PDE4D: variants seen among roughly 807,000 people sequenced by gnomAD.
The protein encoded by PDE4D is phosphodiesterase 4D.
In PDE4D, 24 loss-of-function variants were observed where a neutral mutation model predicts 87.4. The ratio of observed to expected loss-of-function variants is 0.27; its 90% confidence interval spans 0.20 to 0.39. The LOEUF (loss-of-function observed/expected upper bound fraction) is 0.39, where lower values mean the gene tolerates loss of function less well. Among genes scored for constraint, PDE4D ranks in the 10% least tolerant of loss-of-function variants. The pLI is 1.00. For synonymous variants in PDE4D, 384 were observed against 383.2 expected (o/e 1.00, Z -0.02); for missense variants, 714 against 1,041.0 (o/e 0.69, Z 4.32).
chr5:59,346,150 A>T (rs1186475578), intron 1 of PDE4D, among the ~76,000 whole-genome samples: 1 of 152,232 alleles, frequency 6.6e-6, no homozygotes, highest in African/African-American at 2.4e-5. Flanking sequence ...AAAGTAGTCA[A>T]ATCTATGCTA....
Position 59,350,585 on chromosome 5 carries a change from C to A in PDE4D, c.456-134617G>T, listed in dbSNP as rs555469491. ...CTAATAGGTTCATTCATTCAATACA[C>A]AAACGCCAAGCACCTAATATGTACC... is the stretch of plus-strand genomic sequence containing the variant. On this transcript the variant is annotated intron_variant, in intron 1 of 14. Transcript: ENST00000340635. 2.6e-5 allele frequency among the ~76,000 whole-genome samples: 4 copies of A among 152,264 alleles called. No individual in the cohort carries two copies. The East Asian group carries it at 7.7e-4, about 29-fold the overall frequency.
chr5:59,605,622 C>A (rs295957), intron 1 of PDE4D, among the ~76,000 whole-genome samples: 1 of 151,980 alleles, frequency 6.6e-6, no homozygotes, highest in Non-Finnish European at 1.5e-5. Context: ...ACTCCTGTTA[C>A]TATAATTCTT....
At chr5:59,263,878 T>C (rs1762428779) in intron 1 of PDE4D, among the ~76,000 whole-genome samples, 1 of 151,990 alleles carries the variant, frequency 6.6e-6, no homozygotes, top group Non-Finnish European at 1.5e-5. Flanking sequence ...GCTGGTACTA[T>C]TTTTAATCTG....
chr5:59,792,401 G>A (rs1399956430), intron 1 of PDE4D, among the ~76,000 whole-genome samples: 1 of 74,190 alleles, frequency 1.3e-5, no homozygotes, highest in Non-Finnish European at 2.6e-5. Flanking sequence ...GCTCCAAGAA[G>A]CTGTGTGTGT....
intron 2 of PDE4D, among the ~76,000 whole-genome samples, chr5:60,122,734 A>C (rs1289697069): frequency 6.6e-6 from 1 of 152,248 alleles, no homozygotes; most frequent in African/African-American, 2.4e-5. Flanking sequence ...TGAAGGCTTA[A>C]CATTCGGCCT....
intron 5 of PDE4D, chr5:59,179,732 A>G (rs149008576): frequency 2.6e-6 from 1 of 391,168 alleles, no homozygotes. Context: ...CAAGGAAGAC[A>G]CTTGAATCCA....
intron 1 of PDE4D, among the ~76,000 whole-genome samples, chr5:60,422,595 A>G (rs975967280): frequency 6.6e-6 from 1 of 152,244 alleles, no homozygotes; most frequent in African/African-American, 2.4e-5. Context: ...AAAACATGCC[A>G]AATTGTAAAG....
At chr5:59,402,317 T>C (rs934484557) in intron 1 of PDE4D, among the ~76,000 whole-genome samples, 1 of 152,180 alleles carries the variant, frequency 6.6e-6, no homozygotes, top group African/African-American at 2.4e-5. Context: ...TTATAAATCA[T>C]CTTTAGAGTG....
intron 2 of PDE4D, among the ~76,000 whole-genome samples, chr5:59,995,075 C>T (rs1763394622): frequency 6.6e-6 from 1 of 152,044 alleles, no homozygotes; most frequent in Non-Finnish European, 1.5e-5. Context: ...AACACTTTTG[C>T]AAGTTGAAAG....
At chr5:60,300,615 T>C (rs1407122645) in intron 1 of PDE4D, among the ~76,000 whole-genome samples, 1 of 152,200 alleles carries the variant, frequency 6.6e-6, no homozygotes, top group African/African-American at 2.4e-5. Flanking sequence ...ATTTTCTGCA[T>C]ATGGCTAGCC....
chr5:59,308,121 A>G (rs1771786672), intron 1 of PDE4D, among the ~76,000 whole-genome samples: 1 of 151,580 alleles, frequency 6.6e-6, no homozygotes, highest in South Asian at 2.1e-4. Context: ...ACAAAAAACC[A>G]AACACCGCAT....
chr5:59,800,147 T>A (rs887230498), intron 1 of PDE4D, among the ~76,000 whole-genome samples: 3 of 152,164 alleles, frequency 2.0e-5, no homozygotes, highest in African/African-American at 7.2e-5. Flanking sequence ...ACAGAGTTTT[T>A]ATCGTGTGCC....
intron 1 of PDE4D, among the ~76,000 whole-genome samples, chr5:59,450,853 G>T (rs1042729166): frequency 6.6e-6 from 1 of 151,902 alleles, no homozygotes; most frequent in Non-Finnish European, 1.5e-5. Flanking sequence ...TCTCTGATAC[G>T]CAGCTTCATC....
chr5:60,004,702 CA>C (rs1764312294), intron 2 of PDE4D, among the ~76,000 whole-genome samples: 1 of 151,998 alleles, frequency 6.6e-6, no homozygotes, highest in Non-Finnish European at 1.5e-5. Flanking sequence ...TACAAATGGC[CA>C]AAAGGTATAT....
At chr5:59,717,829 T>C (rs1185767554) in intron 1 of PDE4D, among the ~76,000 whole-genome samples, 1 of 152,234 alleles carries the variant, frequency 6.6e-6, no homozygotes, top group Non-Finnish European at 1.5e-5. Context: ...TATACATATA[T>C]GTACTCATTC....
chr5:60,419,490 T>C (rs916830341), intron 1 of PDE4D, among the ~76,000 whole-genome samples: 1 of 151,680 alleles, frequency 6.6e-6, no homozygotes, highest in East Asian at 1.9e-4. Context: ...ACTGGTAATA[T>C]CTATCACCTC....
chr5:59,412,464 G>A (rs912837904), intron 1 of PDE4D, among the ~76,000 whole-genome samples: 1 of 152,132 alleles, frequency 6.6e-6, no homozygotes, highest in Non-Finnish European at 1.5e-5. Context: ...GCACTGGAGT[G>A]GGGGAAGAAC....
At position 58,974,862 on chromosome 5, in the gene PDE4D, A is replaced by C. The variant is rs889133250; in HGVS notation, c.2232T>G (p.Gly744=). 44 of 1,612,434 alleles carry C rather than the reference A, an allele frequency of 2.7e-5. No homozygotes were observed. The highest frequency in any genetic ancestry group is 3.6e-5 in the Non-Finnish European group (43 of 1,178,940). Residue 744 remains glycine, a synonymous_variant, in exon 15 of 15, where the codon GGT becomes GGG. Coordinates refer to ENST00000340635, the MANE Select transcript of PDE4D (RefSeq NM_001104631.2). ...FQFELTLEED[G]ESDTEKDSGS... is the part of the protein sequence containing the mutation. ...CACTGTCCTTTTCCGTGTCTGACTC[A>C]CCATCTTCCTCTAAAGTTAGTTCAA...
At chr5:59,899,365 T>TA (rs1751991778) in intron 3 of PDE4D, among the ~76,000 whole-genome samples, 1 of 151,840 alleles carries the variant, frequency 6.6e-6, no homozygotes, top group African/African-American at 2.4e-5. Context: ...GTTCTGGAGA[T>TA]AAAAAAGTCA....
Sources: allele counts gnomAD v4.1 joint callset (sites outside exome capture counted in the v4.1 genomes callset), GRCh38; gene constraint gnomAD v4.1.1; transcripts MANE v1.5; gene names NCBI Gene and HGNC (gene_info 2026-07-23, HGNC 2026-07-21).